Variants in KCNG1 observed in about 807,000 individuals in gnomAD.
KCNG1 encodes the protein potassium voltage-gated channel modifier subfamily G member 1.
KCNG1 carries 17 observed loss-of-function variants against 32.4 expected under a neutral mutation model. The observed-to-expected ratio is 0.52, with a 90% CI of 0.36 to 0.79. KCNG1 has a LOEUF of 0.79. Among genes scored for constraint, KCNG1 ranks in the 30% least tolerant of loss-of-function variants. The pLI, the probability that KCNG1 is intolerant of heterozygous loss-of-function variation, is 0.00. For missense variants in KCNG1, 441 were observed against 735.2 expected, an observed-to-expected ratio of 0.60 and a Z score of 4.63; for synonymous variants, 358 against 339.9, an observed-to-expected ratio of 1.05 and a Z score of -0.59.
rs778362278 is a variant in KCNG1, at chr20:51,004,998, G to A, written c.775-192C>T. The A allele has an allele frequency of 1.9e-5, 10 of 520,852 alleles. No individual in the cohort carries two copies. The highest frequency in any genetic ancestry group is 3.0e-5 in the Non-Finnish European group (9 of 302,980). The allele number at this position is 520,852 out of a possible 1,614,324, so 32.3% of individuals were successfully genotyped here. On this transcript the variant is annotated intron_variant, in intron 2 of 2. Transcript: ENST00000371571. This position sits in a 1 kb window ranked among gnomAD's most constrained non-coding sequence, Gnocchi z 4.3. ...ACTAAGCACCATCTCTACACTGGCC[G>A]CTCCTCATCTCTCTCTCCAGCCCCC...
chr20:51,017,548 G>A (rs1185370371), intron 1 of KCNG1, among the ~76,000 whole-genome samples: 1 of 152,192 alleles, frequency 6.6e-6, no homozygotes, highest in Non-Finnish European at 1.5e-5. Context: ...ACAACTCTGG[G>A]TTTTAACCCA....
chr20:51,009,404 C>A, intron 2 of KCNG1, 161 bp downstream of exon 2: 1 of 888,434 alleles, frequency 1.1e-6, no homozygotes, highest in Non-Finnish European at 1.7e-6. Flanking sequence ...CACATATTAA[C>A]AGGGAGGCAG....
intron 2 of KCNG1, 191 bp downstream of exon 2, chr20:51,009,374 G>T: frequency 1.4e-6 from 1 of 705,420 alleles, no homozygotes; most frequent in Non-Finnish European, 2.3e-6. Flanking sequence ...ACAGGCACAG[G>T]CGTGGACCCC....
rs953138677 is a variant in KCNG1, at chr20:51,015,491, G to A, written c.-26-5127C>T. On this transcript the variant is annotated intron_variant, in intron 1 of 2. Transcript: ENST00000371571. This position sits in a 1 kb window ranked among gnomAD's most constrained non-coding sequence, Gnocchi z 4.4. ...CGGGGGGTGAGGGTGTCACCTGGCA[G>A]CTTTGACCTGGCTAGGCTGGCAGGG... Among the ~76,000 whole-genome samples, 1 of 152,208 alleles carries A rather than the reference G, an allele frequency of 6.6e-6. No individual in the cohort carries two copies. Among genetic ancestry groups the A allele is most frequent in the Non-Finnish European group, 1.5e-5 (1 of 68,048 alleles).
chr20:51,010,620 C>G (rs1252437884), intron 1 of KCNG1, among the ~76,000 whole-genome samples: 1 of 152,166 alleles, frequency 6.6e-6, no homozygotes, highest in Admixed American at 6.5e-5. Context: ...ACAGGCCGGG[C>G]GCGGTGGCTC....
chr20:51,010,260 C>G lies in KCNG1; in HGVS notation c.79G>C (p.Ala27Pro). Reference sequence around the variant, plus strand: ...ATGGCCTGGCGCTGCGGGAGGAAGGCCGGGTGGAAGGAGGCGTCCGAGGTG... The same window carrying G: ...ATGGCCTGGCGCTGCGGGAGGAAGGGCGGGTGGAAGGAGGCGTCCGAGGTG... ...SCTSDASFHP[A>P]FLPQRQAIKG... is the part of the protein sequence containing the mutation. Residue 27 changes from alanine (A) to proline (P), a missense_variant, in exon 2 of 3, where the codon GCC becomes CCC. Around this residue, in one of 6 missense-constraint regions of KCNG1, gnomAD observed 85 missense variants for 98.2 expected, o/e 0.87. Coordinates refer to ENST00000371571, the MANE Select transcript of KCNG1 (RefSeq NM_002237.4). 1 of 1,532,698 alleles carries G rather than the reference C, an allele frequency of 6.5e-7. No homozygotes were observed. Among genetic ancestry groups the G allele is most frequent in the Non-Finnish European group, 8.7e-7 (1 of 1,148,592 alleles). 94.9% of individuals were successfully genotyped at this position (1,532,698 alleles called of 1,614,324 possible). A position where few individuals can be genotyped will look rare whatever the true frequency, so the allele number is the denominator to read the frequency against.
intron 2 of KCNG1, among the ~76,000 whole-genome samples, chr20:51,009,161 T>G (rs80108661): frequency 4.3e-4 from 65 of 152,240 alleles, no homozygotes; most frequent in African/African-American, 1.5e-3. Flanking sequence ...ATTAGGAACG[T>G]TGAGAAAGGA....
chr20:51,009,519 C>T, intron 2 of KCNG1, 46 bp downstream of exon 2: 1 of 1,520,130 alleles, frequency 6.6e-7, no homozygotes, highest in South Asian at 1.3e-5. Context: ...GCTCAGAGTC[C>T]CTTCCCTCGT....
chr20:51,011,139 C>T (rs1048146046), intron 1 of KCNG1, among the ~76,000 whole-genome samples: 4 of 152,146 alleles, frequency 2.6e-5, no homozygotes, highest in Non-Finnish European at 4.4e-5. Context: ...CTGACAAAGA[C>T]ATTCACCTAA....
intron 1 of KCNG1, among the ~76,000 whole-genome samples, chr20:51,022,385 A>G (rs1441917864): frequency 1.3e-5 from 2 of 152,206 alleles, no homozygotes; most frequent in African/African-American, 4.8e-5. Flanking sequence ...GTAGGCGCTC[A>G]ATAAACGCTT....
At position 51,009,835 on chromosome 20, in the gene KCNG1, G is replaced by A. The variant is rs763307067; in HGVS notation, c.504C>T (p.Arg168=). Residue 168 remains arginine, a synonymous_variant, in exon 2 of 3, where the codon CGC becomes CGT. Transcript: ENST00000371571. The part of the protein sequence containing the change: ...EDHLDGCCKR[R]YLQKIEEFAE... ...CGAACTCCTCAATCTTCTGCAGGTA[G>A]CGGCGCTTGCAGCAGCCGTCCAGGT... 1 of 1,613,352 alleles carries A rather than the reference G, an allele frequency of 6.2e-7. No homozygotes were observed. Among genetic ancestry groups the A allele is most frequent in the South Asian group, 1.1e-5 (1 of 91,092 alleles).
At chr20:51,010,812 TTGAACATGGGAGGCGAAGGTTGCAG>T (rs1443310921) in intron 1 of KCNG1, among the ~76,000 whole-genome samples, 1 of 151,946 alleles carries the variant, frequency 6.6e-6, no homozygotes, top group Non-Finnish European at 1.5e-5. Context: ...TGAGAATCGC[TTGAACATGGGAGGCGAAGGTTGCAG>T]TGAGCCGAGA....
In KCNG1 at chr20:51,004,997, C is replaced by G; in HGVS notation, c.775-191G>C. 1.9e-6 allele frequency: 1 copy of G among 523,736 alleles called. No individual in the cohort carries two copies. The highest frequency in any genetic ancestry group is 3.3e-5 in the South Asian group (1 of 30,092). 32.4% of individuals were successfully genotyped at this position (523,736 alleles called of 1,614,324 possible). Reference sequence around the variant, plus strand: ...CACTAAGCACCATCTCTACACTGGCCGCTCCTCATCTCTCTCTCCAGCCCC... The same window carrying G: ...CACTAAGCACCATCTCTACACTGGCGGCTCCTCATCTCTCTCTCCAGCCCC... On this transcript the variant is annotated intron_variant, in intron 2 of 2. Transcript: ENST00000371571. The surrounding 1 kb of genome is among the most constrained non-coding windows in gnomAD (Gnocchi z 4.3).
At chr20:51,011,307 T>C (rs770636485) in intron 1 of KCNG1, among the ~76,000 whole-genome samples, 4 of 152,252 alleles carry the variant, frequency 2.6e-5, no homozygotes, top group Admixed American at 1.3e-4. Flanking sequence ...ACATGTACTG[T>C]TATTTACTTA....
chr20:51,014,938 T>G (rs1035343672), intron 1 of KCNG1, among the ~76,000 whole-genome samples: 1 of 151,840 alleles, frequency 6.6e-6, no homozygotes, highest in African/African-American at 2.4e-5. Context: ...GCTTGGATGA[T>G]CAAAGACCAG....
rs1464626674 is a variant in KCNG1 at position 51,010,249 on chromosome 20, C to T, written c.90G>A (p.Pro30=). 6.5e-7 allele frequency: 1 copy of T among 1,538,946 alleles called. No individual in the cohort carries two copies. The highest frequency in any genetic ancestry group is 1.3e-5 in the South Asian group (1 of 79,778). The change falls in exon 2 of 3, where the codon CCG becomes CCA. Residue 30 remains proline, a synonymous_variant. Transcript: ENST00000371571. ...SDASFHPAFL[P]QRQAIKGAFY... is the part of the protein sequence containing the mutation. ...ACGCGCCCTTGATGGCCTGGCGCTG[C>T]GGGAGGAAGGCCGGGTGGAAGGAGG...
chr20:51,009,975 C>G lies in KCNG1; in HGVS notation c.364G>C (p.Gly122Arg). 6.2e-7 allele frequency: 1 copy of G among 1,613,992 alleles called. No individual in the cohort carries two copies. The highest frequency in any genetic ancestry group is 8.5e-7 in the Non-Finnish European group (1 of 1,179,990). ...CNEFFFDRNP[G>R]AFGTILTFLR... ...AAGGTCAGGATAGTGCCGAAGGCCC[C>G]CGGGTTGCGGTCGAAGAAGAACTCG... The change falls in exon 2 of 3, where the codon GGG (glycine) becomes CGG (arginine). Residue 122 changes from glycine to arginine, a missense_variant. Gly to Arg is a moderately radical substitution (Grantham distance 125). This residue lies in a region of KCNG1 where 70 missense variants were observed against 158.4 expected (regional missense o/e 0.44). Coordinates refer to ENST00000371571, the MANE Select transcript of KCNG1 (RefSeq NM_002237.4).
At position 51,005,995 on chromosome 20, in the gene KCNG1, C is replaced by A. The variant is rs552138680; in HGVS notation, c.775-1189G>T. On this transcript the variant is annotated intron_variant, in intron 2 of 2. Transcript: ENST00000371571. The surrounding 1 kb of genome is among the most constrained non-coding windows in gnomAD (Gnocchi z 4.0). ...CTGGAGCGTGCCCCACTAAGTAGCTCCAGCAGTGTCAGTGGGCCTCCCATA... is the reference window on the plus strand; with the variant it reads ...CTGGAGCGTGCCCCACTAAGTAGCTACAGCAGTGTCAGTGGGCCTCCCATA... The A allele has an allele frequency of 8.5e-5, 13 of 152,338 alleles. No homozygotes were observed. The East Asian group carries it at 2.1e-3, about 25-fold the overall frequency. The allele number at this position is 152,338 out of a possible 1,614,324, so 9.4% of individuals were successfully genotyped here. A position where few individuals can be genotyped will look rare whatever the true frequency, so the allele number is the denominator to read the frequency against.
chr20:51,016,475 G>A (rs1436346988), intron 1 of KCNG1, among the ~76,000 whole-genome samples: 1 of 152,070 alleles, frequency 6.6e-6, no homozygotes, highest in Non-Finnish European at 1.5e-5. Flanking sequence ...GCTGGTTCTG[G>A]TTCTGGTTCT....
Sources: gnomAD v4.1 joint callset for allele counts (sites outside exome capture counted in the v4.1 genomes callset) on GRCh38, gnomAD v4.1.1 for gene constraint, gnomAD v4.1.1 regional missense constraint, Gnocchi (gnomAD v3.1) non-coding constraint, MANE v1.5 for transcripts, NCBI Gene and HGNC (gene_info 2026-07-23, HGNC 2026-07-21) for gene names.